Variants in ITFG1 observed in about 807,000 individuals in gnomAD.
ITFG1 encodes integrin alpha FG-GAP repeat containing 1.
A neutral mutation model predicts 81.8 loss-of-function variants in ITFG1; 34 were observed. The ratio of observed to expected loss-of-function variants is 0.42; its 90% CI spans 0.32 to 0.55. The LOEUF (loss-of-function observed/expected upper bound fraction) is 0.55. Among genes scored for constraint, ITFG1 ranks in the 20% least tolerant of loss-of-function variants. The pLI, the probability that ITFG1 is intolerant of heterozygous loss-of-function variation, is 0.17. For synonymous variants in ITFG1, 285 were observed against 270.6 expected, an observed-to-expected ratio of 1.05 and a Z score of -0.52; for missense variants, 672 against 755.4, an observed-to-expected ratio of 0.89 and a Z score of 1.29.
rs78198615 is a variant in ITFG1, at chr16:47,408,678, T to C, written c.655+20126A>G. On this transcript the variant is annotated intron_variant, in intron 6 of 17. Coordinates refer to ENST00000320640, the MANE Select transcript of ITFG1 (RefSeq NM_030790.5). ...TGCTCAGAGAGACAGTTCTAATTTA[T>C]GTGACTTGTCACAGCTGAGATCTTA... Among the ~76,000 whole-genome samples the C allele has an allele frequency of 2.0e-5, 3 of 152,248 alleles. No homozygotes were observed. The East Asian group carries it at 5.8e-4, about 29-fold the overall frequency.
chr16:47,270,544 C>T (rs2151545791), intron 10 of ITFG1, among the ~76,000 whole-genome samples: 1 of 152,292 alleles, frequency 6.6e-6, no homozygotes, highest in Middle Eastern at 3.4e-3. Flanking sequence ...AAAGACATAG[C>T]TACCCCATTC....
At chr16:47,342,483 C>T (rs1435547139) in intron 8 of ITFG1, among the ~76,000 whole-genome samples, 2 of 151,986 alleles carry the variant, frequency 1.3e-5, no homozygotes, top group African/African-American at 4.8e-5. Flanking sequence ...ATTCAACATA[C>T]TGGAAATTCT....
At chr16:47,186,770 G>T (rs1316319467) in intron 14 of ITFG1, among the ~76,000 whole-genome samples, 1 of 152,154 alleles carries the variant, frequency 6.6e-6, no homozygotes, top group African/African-American at 2.4e-5. Context: ...GAGCAATTAG[G>T]CAGGAGAAGG....
intron 10 of ITFG1, among the ~76,000 whole-genome samples, chr16:47,285,106 T>C (rs1320466963): frequency 1.3e-5 from 2 of 152,166 alleles, no homozygotes; most frequent in African/African-American, 4.8e-5. Context: ...TTGGGTGTGT[T>C]AGGCCTCAGA....
At chr16:47,389,660 G>T (rs774557639) in intron 6 of ITFG1, among the ~76,000 whole-genome samples, 1 of 152,124 alleles carries the variant, frequency 6.6e-6, no homozygotes, top group African/African-American at 2.4e-5. Flanking sequence ...TACAATAAGG[G>T]GGAAAGAGAA....
chr16:47,431,711 T>C (rs1215886753), intron 5 of ITFG1, among the ~76,000 whole-genome samples: 6 of 152,246 alleles, frequency 3.9e-5, no homozygotes, highest in Admixed American at 3.3e-4. Context: ...TTTTATGTTA[T>C]GTGAATTTTA....
intron 6 of ITFG1, among the ~76,000 whole-genome samples, chr16:47,401,979 C>A (rs1359295760): frequency 6.6e-6 from 1 of 152,138 alleles, no homozygotes; most frequent in Non-Finnish European, 1.5e-5. Context: ...TTTTTCACAA[C>A]TCAGAATACT....
intron 15 of ITFG1, among the ~76,000 whole-genome samples, chr16:47,162,325 G>A (rs1281657188): frequency 1.3e-5 from 2 of 151,982 alleles, no homozygotes; most frequent in African/African-American, 2.4e-5. Flanking sequence ...GGAGAGGAGA[G>A]GGAAAAACTA....
chr16:47,244,600 TG>T (rs1965976347), intron 12 of ITFG1, among the ~76,000 whole-genome samples: 1 of 3,870 alleles, frequency 2.6e-4, no homozygotes, highest in Non-Finnish European at 1.0e-3. Flanking sequence ...TTTGTGTGTG[TG>T]TGTGTGTGTG....
chr16:47,433,170 A>G (rs1167330040), intron 5 of ITFG1, among the ~76,000 whole-genome samples: 1 of 152,194 alleles, frequency 6.6e-6, no homozygotes, highest in Non-Finnish European at 1.5e-5. Context: ...ATTAAACCAA[A>G]TGTTTATTTC....
chr16:47,263,466 TTGATCTTCA>T, intron 10 of ITFG1: 1 of 382,250 alleles, frequency 2.6e-6, no homozygotes, highest in Middle Eastern at 4.0e-4. Flanking sequence ...GACAATGCAG[TTGATCTTCA>T]TGACAAGTAT....
intron 5 of ITFG1, among the ~76,000 whole-genome samples, chr16:47,439,559 C>A (rs1441017787): frequency 1.3e-5 from 2 of 152,140 alleles, no homozygotes; most frequent in Non-Finnish European, 2.9e-5. Flanking sequence ...GAATTTTCAA[C>A]CCAGATTTTC....
intron 6 of ITFG1, among the ~76,000 whole-genome samples, chr16:47,424,182 C>G (rs965156345): frequency 6.6e-6 from 1 of 152,168 alleles, no homozygotes; most frequent in African/African-American, 2.4e-5. Context: ...TTAATTTGAT[C>G]TTCAATCACT....
At chr16:47,292,374 T>C (rs1966919020) in intron 10 of ITFG1, among the ~76,000 whole-genome samples, 1 of 152,214 alleles carries the variant, frequency 6.6e-6, no homozygotes, top group Non-Finnish European at 1.5e-5. Context: ...TTCGATGAAA[T>C]AATCAGTGAT....
chr16:47,385,861 G>C (rs539379909), intron 6 of ITFG1, among the ~76,000 whole-genome samples: 1 of 152,154 alleles, frequency 6.6e-6, no homozygotes, highest in Non-Finnish European at 1.5e-5. Context: ...ACAAGGAAAG[G>C]CTGTTAAGCT....
rs565996556 is a variant in ITFG1 at position 47,252,569 on chromosome 16, T to C, written c.1330+6063A>G. 4.6e-5 allele frequency among the ~76,000 whole-genome samples: 7 copies of C among 152,274 alleles called. No individual in the cohort carries two copies. The South Asian group carries it at 1.5e-3, about 32-fold the overall frequency. ...ACAATAAAAGATGAGAGCTAGTAAC[T>C]AGTCTTGATTCAGGGGAGAGGGGAC... On this transcript the variant is annotated intron_variant, in intron 12 of 17. Coordinates refer to ENST00000320640, the MANE Select transcript of ITFG1 (RefSeq NM_030790.5).
At chr16:47,259,664 C>G (rs772598300) in intron 11 of ITFG1, among the ~76,000 whole-genome samples, 1 of 152,148 alleles carries the variant, frequency 6.6e-6, no homozygotes, top group Admixed American at 6.6e-5. Flanking sequence ...AATAAATTAT[C>G]TTACAAGGAT....
At chr16:47,351,179 A>C (rs927499858) in intron 8 of ITFG1, among the ~76,000 whole-genome samples, 70 of 152,256 alleles carry the variant, frequency 4.6e-4, no homozygotes, top group Non-Finnish European at 7.1e-4. Context: ...CTCACCACTA[A>C]TATTCAACAT....
intron 8 of ITFG1, among the ~76,000 whole-genome samples, chr16:47,339,097 CT>C (rs1967747749): frequency 6.6e-6 from 1 of 152,160 alleles, no homozygotes; most frequent in African/African-American, 2.4e-5. Flanking sequence ...ACAGAATGAC[CT>C]TCACTTCCCT....
Sources: gnomAD v4.1 joint callset for allele counts (sites outside exome capture counted in the v4.1 genomes callset) on GRCh38, gnomAD v4.1.1 for gene constraint, MANE v1.5 for transcripts, NCBI Gene and HGNC (gene_info 2026-07-23, HGNC 2026-07-21) for gene names.